The following NOP53 variants were observed in gnomAD, a reference collection of about 807,000 sequenced individuals.
NOP53 encodes NOP53 ribosome biogenesis factor, also known as ribosome biogenesis protein NOP53.
NOP53 carries 40 observed loss-of-function variants against 61.0 expected under a neutral mutation model. The observed-to-expected ratio is 0.66, with a 90% CI of 0.51 to 0.85. The LOEUF (loss-of-function observed/expected upper bound fraction) is 0.85, where lower values mean the gene tolerates loss of function less well. Ranked by LOEUF, NOP53 falls within the 40% of genes least tolerant of loss-of-function variation. NOP53 has a pLI of 0.00. For missense variants in NOP53, 689 were observed against 652.9 expected (o/e 1.06, Z -0.60); for synonymous variants, 308 against 289.5 (o/e 1.06, Z -0.65).
chr19:47,752,556 G>A lies in NOP53; in HGVS notation c.714G>A (p.Val238=), dbSNP rs140894234. 862 of 1,611,240 alleles carry A rather than the reference G, an allele frequency of 5.3e-4. 3 individuals carry two copies. In the African/African-American group the frequency reaches 0.011, roughly 20 times the overall value. Residue 238 remains valine (V), a synonymous_variant, in exon 6 of 13, where the codon GTG becomes GTA. Transcript: ENST00000246802. ...LHTKPSQAPA[V]EVAPAGASYN... ...CCAAGCCGTCCCAGGCACCCGCCGTGGAGGTGGCGCCTGCCGGAGCTTCCT... is the reference window on the plus strand; with the variant it reads ...CCAAGCCGTCCCAGGCACCCGCCGTAGAGGTGGCGCCTGCCGGAGCTTCCT...
At chr19:47,755,316 G>T (rs756207185) in intron 8 of NOP53, 32 bp from the exon 9 acceptor site, 1 of 1,418,348 alleles carries the variant, frequency 7.1e-7, no homozygotes, top group Non-Finnish European at 9.2e-7. Context: ...GGCAGCACCG[G>T]CCTGAGCCCT....
intron 2 of NOP53, among the ~76,000 whole-genome samples, chr19:47,748,952 G>A (rs1029690284): frequency 1.3e-5 from 2 of 151,774 alleles, no homozygotes; most frequent in African/African-American, 4.8e-5. Flanking sequence ...ACCTGAGGTC[G>A]GGAGTTTGAG....
intron 10 of NOP53, chr19:47,756,132 C>A (rs1479359385): frequency 3.9e-6 from 2 of 514,484 alleles, no homozygotes; most frequent in African/African-American, 1.9e-5. Context: ...CTGCTCGGAA[C>A]CTGCTGTGGC....
At chr19:47,756,401 C>CCCTGGTG in intron 10 of NOP53, 127 bp from the exon 11 acceptor site, 1 of 674,804 alleles carries the variant, frequency 1.5e-6, no homozygotes. Context: ...CAGGCTGAGT[C>CCCTGGTG]CCTGGTGCCC....
chr19:47,748,936 T>G (rs1054350625), intron 2 of NOP53, among the ~76,000 whole-genome samples: 1 of 151,306 alleles, frequency 6.6e-6, no homozygotes, highest in Non-Finnish European at 1.5e-5. Context: ...CTGATGCGGG[T>G]GGATCACCTG....
In NOP53 at chr19:47,754,762, G is replaced by T. The variant is rs928326685; in HGVS notation, c.924G>T (p.Glu308Asp). Residue 308 changes from glutamate (E) to aspartate (D), a missense_variant, in exon 8 of 13, where the codon GAG becomes GAT. Coordinates refer to ENST00000246802, the MANE Select transcript of NOP53 (RefSeq NM_015710.5). The surrounding 1 kb of genome is among the most constrained non-coding windows in gnomAD (Gnocchi z 4.2). ...CEGLLEESDGEGEPGQGEGPE... is the reference protein window; with the variant it reads ...CEGLLEESDGDGEPGQGEGPE... ...GGCTGCTGGAGGAGTCGGATGGTGA[G>T]GGGGAGCCAGGCCAGGGCGAGGGGC... The T allele has an allele frequency of 2.0e-6, 3 of 1,528,216 alleles. No individual in the cohort carries two copies. Among genetic ancestry groups the T allele is most frequent in the Admixed American group, 2.1e-5 (1 of 47,490 alleles). 94.7% of individuals were successfully genotyped at this position (1,528,216 alleles called of 1,614,324 possible). A position where few individuals can be genotyped will look rare whatever the true frequency, so the allele number is the denominator to read the frequency against.
In NOP53 at chr19:47,750,254, C is replaced by G. The variant is rs148201586; in HGVS notation, c.366C>G (p.Leu122=). 19 of 1,609,478 alleles carry G rather than the reference C, an allele frequency of 1.2e-5. No homozygotes were observed. The highest frequency in any genetic ancestry group is 4.5e-5 in the East Asian group (2 of 44,856). ...AACCCCTTCGGGTTGACCTCATCCT[C>G]GAGAACACATCCAAAGTCCCTGCCC... ...LKKPLRVDLI[L]ENTSKVPAPK... Residue 122 remains leucine, a synonymous_variant, in exon 3 of 13, where the codon CTC becomes CTG. Coordinates refer to ENST00000246802, the MANE Select transcript of NOP53 (RefSeq NM_015710.5).
At chr19:47,752,798 C>A in intron 6 of NOP53, 191 bp downstream of exon 6, 1 of 537,198 alleles carries the variant, frequency 1.9e-6, no homozygotes, top group Non-Finnish European at 3.3e-6. Context: ...GGCTGGGAGC[C>A]CAGACGGGGC....
chr19:47,750,347 C>T, intron 3 of NOP53, 61 bp downstream of exon 3: 1 of 1,058,926 alleles, frequency 9.4e-7, no homozygotes, highest in Non-Finnish European at 1.5e-6. Context: ...TAAAGGGTTT[C>T]CGGGGCTGGG....
chr19:47,755,460 A>AGGCGGCGGCG lies in NOP53; in HGVS notation c.1167_1168insGCGGCGGCGG (p.Arg390AlafsTer13). The stretch of plus-strand genomic sequence containing the variant: ...AGGCTGGCGGAGCTGGCGCGGCGGC[A>AGGCGGCGGCG]GAGGCGGCGGCAGGCGCGGCGGGAG... On this transcript the variant is annotated frameshift_variant, in exon 9 of 13. Coordinates refer to ENST00000246802, the MANE Select transcript of NOP53 (RefSeq NM_015710.5). LOFTEE classifies it high-confidence loss of function. 1.3e-6 allele frequency: 2 copies of AGGCGGCGGCG among 1,505,708 alleles called. No homozygotes were observed. The highest frequency in any genetic ancestry group is 1.8e-6 in the Non-Finnish European group (2 of 1,131,708). 93.3% of individuals were successfully genotyped at this position (1,505,708 alleles called of 1,614,324 possible).
At chr19:47,755,559 G>T (rs1305466356) in intron 9 of NOP53, 36 bp downstream of exon 9, 1 of 1,457,818 alleles carries the variant, frequency 6.9e-7, no homozygotes, top group South Asian at 1.4e-5. Flanking sequence ...GAGAGGCTGG[G>T]GAGGGGGCCG....
intron 8 of NOP53, 146 bp from the exon 9 acceptor site, chr19:47,755,202 G>A: frequency 1.7e-6 from 1 of 576,850 alleles, no homozygotes; most frequent in Non-Finnish European, 2.9e-6. Context: ...TGCTGGGAAG[G>A]CACTGGAGGG....
At chr19:47,752,471 C>G (rs1388939146) in intron 5 of NOP53, 41 bp from the exon 6 acceptor site, 5 of 1,264,424 alleles carry the variant, frequency 4.0e-6, no homozygotes, top group African/African-American at 1.4e-5. Flanking sequence ...ACCCGCAGCC[C>G]CAACGCACGG....
chr19:47,756,326 C>T (rs1967197375), intron 10 of NOP53: 3 of 595,732 alleles, frequency 5.0e-6, no homozygotes, highest in Non-Finnish European at 9.0e-6. Flanking sequence ...TCCTCTAAGC[C>T]CAGCTTAGAG....
rs796474193 is a variant in NOP53, at chr19:47,753,775, A to G, written c.766-752A>G. The G allele has an allele frequency of 3.3e-5, 5 of 152,368 alleles. 1 individual carries two copies. The highest frequency in any genetic ancestry group is 1.9e-4 in the East Asian group (1 of 5,192). The allele number at this position is 152,368 out of a possible 1,614,324, so 9.4% of individuals were successfully genotyped here. On this transcript the variant is annotated intron_variant, in intron 6 of 12. Transcript: ENST00000246802. ...TCGTAGAGATAAAATTCACTTAACCATACGGTCAGCCTAGTTAGAGTATGT... is the reference window on the plus strand; with the variant it reads ...TCGTAGAGATAAAATTCACTTAACCGTACGGTCAGCCTAGTTAGAGTATGT...
At position 47,751,535 on chromosome 19, in the gene NOP53, C is replaced by G. The variant is rs149555718; in HGVS notation, c.614C>G (p.Pro205Arg). The G allele has an allele frequency of 9.2e-5, 148 of 1,613,874 alleles. 1 individual carries two copies. In the African/African-American group the frequency reaches 1.8e-3, roughly 19 times the overall value. ...LWASDNPLDRPLVGQDEFFLE... is the reference protein window; with the variant it reads ...LWASDNPLDRRLVGQDEFFLE... ...GTATCCACAGACCCCCTGGACAGGC[C>G]GTTGGTTGGCCAGGATGAGTTTTTC... Residue 205 changes from proline (P) to arginine (R), a missense_variant, in exon 5 of 13, where the codon CCG becomes CGG. Transcript: ENST00000246802.
intron 10 of NOP53, chr19:47,756,235 G>A (rs934934749): frequency 1.3e-5 from 7 of 542,918 alleles, no homozygotes; most frequent in African/African-American, 7.5e-5. Context: ...GCTCATGAGC[G>A]GACTGTGCCT....
Position 47,754,563 on chromosome 19 carries a change from C to T in NOP53, c.802C>T (p.Arg268Trp), listed in dbSNP as rs948392042. 1.0e-5 allele frequency: 16 copies of T among 1,552,312 alleles called. No individual in the cohort carries two copies. The highest frequency in any genetic ancestry group is 4.1e-5 in the African/African-American group (3 of 73,180). The change falls in exon 7 of 13, where the codon CGG becomes TGG. Residue 268 changes from arginine (R) to tryptophan (W), a missense_variant. Physicochemically the swap from Arg to Trp is moderately radical, Grantham distance 101. Transcript: ENST00000246802. This position sits in a 1 kb window ranked among gnomAD's most constrained non-coding sequence, Gnocchi z 4.2. ...LSAAHEVELQ[R>W]QKEAEKLERQ... ...AGCGGCCCACGAGGTGGAGTTGCAG[C>T]GGCAGAAGGAGGCGGAGAAGCTGGA...
chr19:47,754,419 C>A lies in NOP53; in HGVS notation c.766-108C>A. ...GGGGTGTGGGGAGGAAAGCCTGGGC[C>A]GGGGCGGGATCCACGGGCACTGGAT... On this transcript the variant is annotated intron_variant, in intron 6 of 12. Coordinates refer to ENST00000246802, the MANE Select transcript of NOP53 (RefSeq NM_015710.5). This position sits in a 1 kb window ranked among gnomAD's most constrained non-coding sequence, Gnocchi z 4.2. 1.2e-6 allele frequency: 1 copy of A among 858,482 alleles called. No individual in the cohort carries two copies. The allele number at this position is 858,482 out of a possible 1,614,324, so 53.2% of individuals were successfully genotyped here.
Sources: gnomAD v4.1 joint callset for allele counts (sites outside exome capture counted in the v4.1 genomes callset) on GRCh38, gnomAD v4.1.1 for gene constraint, Gnocchi (gnomAD v3.1) non-coding constraint, MANE v1.5 for transcripts, NCBI Gene and HGNC (gene_info 2026-07-23, HGNC 2026-07-21) for gene names.